Variants in CFAP57 observed in about 807,000 individuals in gnomAD.
The protein encoded by CFAP57 is cilia and flagella associated protein 57.
Under a neutral mutation model 146.8 loss-of-function variants are expected in CFAP57, and 116 were observed. The observed-to-expected ratio is 0.79, with a 90% CI of 0.68 to 0.92. The LOEUF (loss-of-function observed/expected upper bound fraction) is 0.92, where lower values mean the gene tolerates loss of function less well. Among genes scored for constraint, CFAP57 ranks in the 40% least tolerant of loss-of-function variants. The pLI is 0.00. For synonymous variants in CFAP57, 518 were observed against 552.8 expected, an observed-to-expected ratio of 0.94 and a Z score of 0.88; for missense variants, 1,377 against 1,527.2, an observed-to-expected ratio of 0.90 and a Z score of 1.64.
At chr1:43,250,510 A>G (rs1646296983) in intron 22 of CFAP57, 1 of 152,278 alleles carries the variant, frequency 6.6e-6, no homozygotes, top group Admixed American at 6.5e-5. Context: ...TCAGCAGCAA[A>G]GTCCAGATTC....
chr1:43,190,573 T>C (rs1416057349), intron 6 of CFAP57, among the ~76,000 whole-genome samples: 1 of 151,950 alleles, frequency 6.6e-6, no homozygotes, highest in Non-Finnish European at 1.5e-5. Context: ...CCCGGCTGCA[T>C]CCAGTCTTTA....
At chr1:43,252,240 G>C (rs1166580810) in intron 22 of CFAP57, among the ~76,000 whole-genome samples, 2 of 152,080 alleles carry the variant, frequency 1.3e-5, no homozygotes, top group African/African-American at 4.8e-5. Flanking sequence ...GACTAGAGGA[G>C]AAAACTTATC....
chr1:43,214,040 C>G (rs1329795859), intron 11 of CFAP57, among the ~76,000 whole-genome samples: 1 of 151,968 alleles, frequency 6.6e-6, no homozygotes, highest in African/African-American at 2.4e-5. Context: ...TGCCTGCCAC[C>G]ACGCCCAGCT....
intron 21 of CFAP57, among the ~76,000 whole-genome samples, chr1:43,237,455 C>G (rs1645748083): frequency 6.6e-6 from 1 of 152,188 alleles, no homozygotes; most frequent in Non-Finnish European, 1.5e-5. Context: ...AGTGTTCCTA[C>G]TCTCAAGGAG....
chr1:43,220,268 A>T (rs999961841), intron 13 of CFAP57, among the ~76,000 whole-genome samples: 4 of 152,218 alleles, frequency 2.6e-5, no homozygotes, highest in Admixed American at 1.3e-4. Flanking sequence ...AAAAAGCAAA[A>T]AGATAAGAAA....
Position 43,185,327 on chromosome 1 carries a change from G to C in CFAP57, c.940G>C (p.Asp314His). 2 of 1,614,004 alleles carry C rather than the reference G, an allele frequency of 1.2e-6. No individual in the cohort carries two copies. The highest frequency in any genetic ancestry group is 1.7e-6 in the Non-Finnish European group (2 of 1,180,002). ...VLLFEKMEEKDFYRESREIRI... is the reference protein window; with the variant it reads ...VLLFEKMEEKHFYRESREIRI... ...GCTGTTTGAGAAGATGGAAGAAAAG[G>C]ATTTTTACCGTGAGAGCAGAGAAAT... The change falls in exon 5 of 23, where the codon GAT becomes CAT. Residue 314 changes from aspartate to histidine, a missense_variant. Transcript: ENST00000372492.
chr1:43,198,150 GA>G (rs1481244616), intron 7 of CFAP57, among the ~76,000 whole-genome samples: 1 of 152,104 alleles, frequency 6.6e-6, no homozygotes, highest in African/African-American at 2.4e-5. Context: ...ACCCTAGGTG[GA>G]CCCCCACCCC....
chr1:43,234,402 C>T lies in CFAP57; in HGVS notation c.3250C>T (p.Arg1084Ter), dbSNP rs1487100218. The T allele has an allele frequency of 4.5e-6, 7 of 1,548,348 alleles. No homozygotes were observed. The highest frequency in any genetic ancestry group is 2.7e-5 in the African/African-American group (2 of 72,974). Residue 1084 changes from arginine to a stop codon, truncating the protein, a stop_gained, in exon 20 of 23, where the codon CGA becomes TGA. Transcript: ENST00000372492. LOFTEE classifies it high-confidence loss of function. The stretch of plus-strand genomic sequence containing the variant: ...AGGTCTCTTTGAGAAGTACGTGCAG[C>T]GAGCAGACATGGTAAGCTCAGCCTC... Reference protein sequence around the residue: ...VRGLFEKYVQRADMVEIAGLN... With the variant: ...VRGLFEKYVQ
intron 9 of CFAP57, among the ~76,000 whole-genome samples, chr1:43,199,714 A>G (rs1349739314): frequency 6.6e-6 from 1 of 152,230 alleles, no homozygotes; most frequent in East Asian, 1.9e-4. Context: ...GTTGTGAGAG[A>G]AATAATGAAG....
intron 6 of CFAP57, among the ~76,000 whole-genome samples, chr1:43,191,217 T>C (rs1478398188): frequency 6.6e-6 from 1 of 152,228 alleles, no homozygotes; most frequent in Non-Finnish European, 1.5e-5. Flanking sequence ...ATTTGTCTAT[T>C]TGTCTAATAT....
Position 43,234,356 on chromosome 1 carries a change from G to T in CFAP57, c.3204G>T (p.Arg1068=). 2 of 1,550,488 alleles carry T rather than the reference G, an allele frequency of 1.3e-6. No individual in the cohort carries two copies. Among genetic ancestry groups the T allele is most frequent in the Non-Finnish European group, 1.7e-6 (2 of 1,146,966 alleles). The change falls in exon 20 of 23, where the codon CGG becomes CGT. Residue 1068 remains arginine (R), a synonymous_variant. Transcript: ENST00000372492. ...HNCVAYIQEP[R]LLKEKVRGLF... The stretch of plus-strand genomic sequence containing the variant: ...GCGTAGCCTATATTCAGGAACCGCG[G>T]CTGCTGAAGGAGAAGGTTCGAGGTC...
chr1:43,219,026 A>C (rs1445685291), intron 12 of CFAP57, among the ~76,000 whole-genome samples: 2 of 152,218 alleles, frequency 1.3e-5, no homozygotes, highest in African/African-American at 4.8e-5. Context: ...TAAGGAAATA[A>C]GAAGTAGAGC....
chr1:43,236,020 G>A (rs1021468751), intron 21 of CFAP57, among the ~76,000 whole-genome samples: 10 of 152,154 alleles, frequency 6.6e-5, no homozygotes, highest in Admixed American at 2.6e-4. Context: ...GTCCTCTTCT[G>A]CTTCCCTATG....
rs1226969323 is a variant in CFAP57 at position 43,183,713 on chromosome 1, C to T, written c.597C>T (p.Asn199=). ...GCTTTCAGAGGGGAGAACCCCAAAA[C>T]TATCTAGCTCACACCTGGGTGGCTG... ...QTSFQRGEPQ[N]YLAHTWVADD... Residue 199 remains asparagine (N), a synonymous_variant, in exon 4 of 23, where the codon AAC becomes AAT. Coordinates refer to ENST00000372492, the MANE Select transcript of CFAP57 (RefSeq NM_001378189.1). The T allele has an allele frequency of 1.2e-6, 2 of 1,614,118 alleles. No individual in the cohort carries two copies. Among genetic ancestry groups the T allele is most frequent in the Admixed American group, 3.3e-5 (2 of 60,006 alleles).
In CFAP57 at chr1:43,209,734, G is replaced by C. The variant is rs761453220; in HGVS notation, c.1756-9G>C. On this transcript the variant is annotated splice_polypyrimidine_tract_variant and intron_variant, in intron 10 of 22. Coordinates refer to ENST00000372492, the MANE Select transcript of CFAP57 (RefSeq NM_001378189.1). ...CCCCTCACACTGAGCAGAGCTGCCT[G>C]TGTCTCAGATCCTTCGAGAGATATC... The C allele has an allele frequency of 4.3e-6, 7 of 1,613,366 alleles. No individual in the cohort carries two copies. The highest frequency in any genetic ancestry group is 5.9e-6 in the Non-Finnish European group (7 of 1,179,648).
In CFAP57 at chr1:43,219,397, G is replaced by A. The variant is rs1229993160; in HGVS notation, c.2107G>A (p.Glu703Lys). The change falls in exon 13 of 23, where the codon GAG (glutamate) becomes AAG (lysine). Residue 703 changes from glutamate to lysine, a missense_variant. Transcript: ENST00000372492. ...DMEEKAQVML[E>K]LKTRVEELKM... is the part of the protein sequence containing the mutation. ...TCTCCCAAAGGCTCAGGTTATGTTG[G>A]AGCTAAAGACTCGTGTGGAGGAATT... 3 of 1,550,348 alleles carry A rather than the reference G, an allele frequency of 1.9e-6. No homozygotes were observed. Among genetic ancestry groups the A allele is most frequent in the South Asian group, 1.2e-5 (1 of 83,998 alleles).
intron 18 of CFAP57, 120 bp downstream of exon 18, chr1:43,227,246 T>C (rs368247518): frequency 2.4e-6 from 3 of 1,227,330 alleles, no homozygotes; most frequent in East Asian, 2.9e-5. Context: ...GCTCCCAAGG[T>C]GTGTGCAGCC....
At chr1:43,244,773 C>T (rs922172465) in intron 22 of CFAP57, among the ~76,000 whole-genome samples, 14 of 152,090 alleles carry the variant, frequency 9.2e-5, no homozygotes, top group Admixed American at 2.6e-4. Context: ...CGTGGTGGCG[C>T]GGGCCTGTAG....
chr1:43,226,836 C>A, intron 17 of CFAP57, 147 bp from the exon 18 acceptor site: 1 of 871,708 alleles, frequency 1.1e-6, no homozygotes, highest in Non-Finnish European at 1.6e-6. Flanking sequence ...GGAGTGCCAG[C>A]CTCTGTACTG....
Sources: allele counts gnomAD v4.1 joint callset (sites outside exome capture counted in the v4.1 genomes callset), GRCh38; gene constraint gnomAD v4.1.1; transcripts MANE v1.5; gene names NCBI Gene and HGNC (gene_info 2026-07-23, HGNC 2026-07-21).